EPS8: variants seen among roughly 807,000 people sequenced by gnomAD.
EPS8 encodes the protein epidermal growth factor receptor kinase substrate 8.
Under a neutral mutation model 103.8 loss-of-function variants are expected in EPS8, and 42 were observed. The observed-to-expected ratio is 0.40, with a 90% confidence interval of 0.32 to 0.52. EPS8 has a LOEUF of 0.52. Among genes scored for constraint, EPS8 ranks in the 20% least tolerant of loss-of-function variants. EPS8 has a pLI of 0.40. For missense variants in EPS8, 969 were observed against 1,005.1 expected (o/e 0.96, Z 0.49); for synonymous variants, 344 against 344.6 (o/e 1.00, Z 0.02).
intron 1 of EPS8, among the ~76,000 whole-genome samples, chr12:15,746,943 A>G (rs1946881991): frequency 6.6e-6 from 1 of 152,134 alleles, no homozygotes; most frequent in African/African-American, 2.4e-5. Flanking sequence ...AAATGAACTC[A>G]CCCTCCTTTC....
At chr12:15,687,291 GT>G (rs1946109378) in intron 1 of EPS8, among the ~76,000 whole-genome samples, 1 of 152,018 alleles carries the variant, frequency 6.6e-6, no homozygotes, top group African/African-American at 2.4e-5. Context: ...ATTTTTATGT[GT>G]GAATAAACTC....
At chr12:15,665,654 C>G in intron 8 of EPS8, 102 bp downstream of exon 8, 1 of 1,428,110 alleles carries the variant, frequency 7.0e-7, no homozygotes, top group Non-Finnish European at 9.7e-7. Context: ...TAAAAACTAA[C>G]CTCAAGCTTC....
At chr12:15,683,383 CAAAAGCA>C (rs1488900792) in intron 1 of EPS8, 1 of 153,438 alleles carries the variant, frequency 6.5e-6, no homozygotes, top group Non-Finnish European at 1.4e-5. Flanking sequence ...CAGAAAAGTA[CAAAAGCA>C]AAAAGTATCA....
intron 17 of EPS8, among the ~76,000 whole-genome samples, chr12:15,636,648 T>C (rs928663453): frequency 6.6e-6 from 1 of 152,222 alleles, no homozygotes; most frequent in African/African-American, 2.4e-5. Flanking sequence ...TATGTCTTTA[T>C]AGGAAATGTA....
rs2135938598 is a variant in EPS8, at chr12:15,701,878, TG to T, written c.-21-18907del. Among the ~76,000 whole-genome samples the T allele has an allele frequency of 6.6e-6, 1 of 152,328 alleles. No homozygotes were observed. Among genetic ancestry groups the T allele is most frequent in the African/African-American group, 2.4e-5 (1 of 41,582 alleles). Reference sequence around the variant, plus strand: ...TGGGATCTTGCTGTTTGTTTCCTCTTGAGTAATCTAGACTAAAAAGAGTTCA... The same window carrying T: ...TGGGATCTTGCTGTTTGTTTCCTCTTAGTAATCTAGACTAAAAAGAGTTCA... On this transcript the variant is annotated intron_variant, in intron 1 of 20. Transcript: ENST00000281172. This position sits in a 1 kb window ranked among gnomAD's most constrained non-coding sequence, Gnocchi z 5.1.
intron 1 of EPS8, among the ~76,000 whole-genome samples, chr12:15,732,463 C>G (rs2135995127): frequency 6.6e-6 from 1 of 152,274 alleles, no homozygotes; most frequent in South Asian, 2.1e-4. Context: ...TTAATCCTAA[C>G]AATCCCAACA....
chr12:15,643,740 GAAAAAAAA>G (rs56952348), intron 15 of EPS8, among the ~76,000 whole-genome samples: 2 of 76,994 alleles, frequency 2.6e-5, no homozygotes, highest in Non-Finnish European at 5.0e-5. Context: ...ACTCTGTCTC[GAAAAAAAA>G]AAAAAAAAAA....
chr12:15,679,417 T>C (rs892535321), intron 3 of EPS8, among the ~76,000 whole-genome samples: 2 of 152,222 alleles, frequency 1.3e-5, no homozygotes, highest in Admixed American at 1.3e-4. Flanking sequence ...GATTAATTCA[T>C]TACACTCATT....
chr12:15,669,143 C>T (rs969961336), intron 6 of EPS8, among the ~76,000 whole-genome samples: 3 of 152,214 alleles, frequency 2.0e-5, no homozygotes, highest in African/African-American at 7.2e-5. Flanking sequence ...ATCTTACAGC[C>T]TTGGCCTCCC....
intron 1 of EPS8, among the ~76,000 whole-genome samples, chr12:15,732,148 C>A (rs1455755843): frequency 6.6e-6 from 1 of 152,106 alleles, no homozygotes; most frequent in Admixed American, 6.5e-5. Context: ...TTAATCTCAG[C>A]CAGAAATGTT....
intron 10 of EPS8, 100 bp from the exon 11 acceptor site, chr12:15,658,685 C>T (rs904928462): frequency 3.8e-6 from 3 of 797,442 alleles, no homozygotes; most frequent in Non-Finnish European, 4.4e-6. Flanking sequence ...GTTTGAAGAT[C>T]TCATCAGACA....
In EPS8 at chr12:15,631,637, G is replaced by T; in HGVS notation, c.1849C>A (p.Pro617Thr). The part of the protein sequence containing the change: ...QKQRMEYGPR[P>T]ADTPPAPSPP... ...GATGGAGCAGGGGGAGTATCAGCTG[G>T]TCTTGGGCCATACTCCATCCTTTGT... Residue 617 changes from proline to threonine, a missense_variant, in exon 18 of 21, where the codon CCA (proline) becomes ACA (threonine). Physicochemically the swap from Pro to Thr is conservative, Grantham distance 38. Transcript: ENST00000281172. 3 of 1,613,728 alleles carry T rather than the reference G, an allele frequency of 1.9e-6. No individual in the cohort carries two copies. The highest frequency in any genetic ancestry group is 2.5e-6 in the Non-Finnish European group (3 of 1,179,830).
At chr12:15,671,145 C>T (rs748894547) in intron 3 of EPS8, among the ~76,000 whole-genome samples, 57 of 151,998 alleles carry the variant, frequency 3.8e-4, no homozygotes, top group Non-Finnish European at 6.2e-4. Flanking sequence ...ATCCACTATC[C>T]ATTTTTAGAA....
At position 15,711,119 on chromosome 12, in the gene EPS8, G is replaced by A. The variant is rs539351574; in HGVS notation, c.-21-28147C>T. ...AAGGTCTCACTATGATGCCCAGGCT[G>A]GCCTTGAACTCATGGGCTCAAGCAA... On this transcript the variant is annotated intron_variant, in intron 1 of 20. Coordinates refer to ENST00000281172, the MANE Select transcript of EPS8 (RefSeq NM_004447.6). Among the ~76,000 whole-genome samples, 18 of 151,708 alleles carry A rather than the reference G, an allele frequency of 1.2e-4. No homozygotes were observed. The South Asian group carries it at 3.7e-3, about 32-fold the overall frequency.
At chr12:15,681,894 C>T (rs1049066774) in intron 2 of EPS8, among the ~76,000 whole-genome samples, 3 of 151,666 alleles carry the variant, frequency 2.0e-5, no homozygotes, top group African/African-American at 7.3e-5. Flanking sequence ...TTTTGTAAGA[C>T]CCAAAACCTA....
At chr12:15,639,310 T>C (rs1310062110) in intron 17 of EPS8, among the ~76,000 whole-genome samples, 1 of 152,080 alleles carries the variant, frequency 6.6e-6, no homozygotes, top group Non-Finnish European at 1.5e-5. Flanking sequence ...CAGAAGCATA[T>C]ATTATATTAG....
chr12:15,773,567 G>A (rs1056786544), intron 1 of EPS8, among the ~76,000 whole-genome samples: 1 of 151,920 alleles, frequency 6.6e-6, no homozygotes, highest in African/African-American at 2.4e-5. Context: ...AAAAGCATTG[G>A]GGATAAGAAG....
In EPS8 at chr12:15,767,714, A is replaced by G. The variant is rs1157101179; in HGVS notation, c.-22+21447T>C. Among the ~76,000 whole-genome samples, 4 of 152,222 alleles carry G rather than the reference A, an allele frequency of 2.6e-5. No homozygotes were observed. Among genetic ancestry groups the G allele is most frequent in the African/African-American group, 9.6e-5 (4 of 41,454 alleles). On this transcript the variant is annotated intron_variant, in intron 1 of 20. Coordinates refer to ENST00000281172, the MANE Select transcript of EPS8 (RefSeq NM_004447.6). The surrounding 1 kb of genome is among the most constrained non-coding windows in gnomAD (Gnocchi z 5.5). The stretch of plus-strand genomic sequence containing the variant: ...TTCTCTGCTAAACATGGTTGTTAGA[A>G]TAAGGAAATTGAAATGGTTGGTGGC...
chr12:15,697,186 A>C lies in EPS8; in HGVS notation c.-21-14214T>G, dbSNP rs928880443. 1.3e-5 allele frequency among the ~76,000 whole-genome samples: 2 copies of C among 152,190 alleles called. No homozygotes were observed. Among genetic ancestry groups the C allele is most frequent in the Non-Finnish European group, 2.9e-5 (2 of 68,028 alleles). On this transcript the variant is annotated intron_variant, in intron 1 of 20. Coordinates refer to ENST00000281172, the MANE Select transcript of EPS8 (RefSeq NM_004447.6). This position sits in a 1 kb window ranked among gnomAD's most constrained non-coding sequence, Gnocchi z 5.6. Reference sequence around the variant, plus strand: ...TATAGACTGAAGAAGGGAAAACTTGAGGGACAAGCACAAACTGATTAAAAT... The same window carrying C: ...TATAGACTGAAGAAGGGAAAACTTGCGGGACAAGCACAAACTGATTAAAAT...
Sources: allele counts gnomAD v4.1 joint callset (sites outside exome capture counted in the v4.1 genomes callset), GRCh38; gene constraint gnomAD v4.1.1; non-coding constraint Gnocchi (gnomAD v3.1); transcripts MANE v1.5; gene names NCBI Gene and HGNC (gene_info 2026-07-23, HGNC 2026-07-21).